CSMD1: variants seen among roughly 807,000 people sequenced by gnomAD.
CSMD1 encodes CUB and Sushi multiple domains 1.
A neutral mutation model predicts 417.5 loss-of-function variants in CSMD1; 213 were observed. The observed-to-expected ratio is 0.51, with a 90% CI of 0.46 to 0.57. CSMD1 has a LOEUF of 0.57. CSMD1 is among the 20% of genes least tolerant of loss of function. CSMD1 has a pLI of 0.00. For synonymous variants in CSMD1, 2,862 were observed against 1,736.8 expected, an observed-to-expected ratio of 1.65 and a Z score of -16.11; for missense variants, 6,923 against 4,529.7, an observed-to-expected ratio of 1.53 and a Z score of -15.17.
At chr8:4,378,172 A>G (rs539380171) in intron 3 of CSMD1, among the ~76,000 whole-genome samples, 43 of 152,280 alleles carry the variant, frequency 2.8e-4, no homozygotes, top group African/African-American at 1.0e-3. Flanking sequence ...TATACTCTAG[A>G]TATTGCGACT....
rs548539399 is a variant in CSMD1, at chr8:4,776,174, G to C, written c.86-138616C>G. Among the ~76,000 whole-genome samples, 150 of 152,222 alleles carry C rather than the reference G, an allele frequency of 9.9e-4. 4 individuals carry two copies. In the South Asian group the frequency reaches 0.028, roughly 29 times the overall value. Reference sequence around the variant, plus strand: ...AGAAGAGATGAGGCGACCCACATTAGTTTAGAAGAGAGCCTGTTCCCATGG... The same window carrying C: ...AGAAGAGATGAGGCGACCCACATTACTTTAGAAGAGAGCCTGTTCCCATGG... On this transcript the variant is annotated intron_variant, in intron 1 of 69. Transcript: ENST00000635120.
intron 1 of CSMD1, among the ~76,000 whole-genome samples, chr8:4,815,977 G>C (rs1436464210): frequency 1.3e-5 from 2 of 151,990 alleles, no homozygotes; most frequent in Non-Finnish European, 2.9e-5. Flanking sequence ...AATGAGAAAG[G>C]CATTCCAGAA....
intron 11 of CSMD1, among the ~76,000 whole-genome samples, chr8:3,481,800 T>G (rs903350446): frequency 6.6e-6 from 1 of 152,134 alleles, no homozygotes; most frequent in Non-Finnish European, 1.5e-5. Context: ...AGGGATGAAT[T>G]CTTCCCCAGG....
chr8:4,199,087 G>T (rs144000870), intron 3 of CSMD1, among the ~76,000 whole-genome samples: 1 of 152,050 alleles, frequency 6.6e-6, no homozygotes, highest in Non-Finnish European at 1.5e-5. Context: ...TAGAGCCAGC[G>T]CCCAGCTCAC....
chr8:4,854,407 G>A (rs184828217), intron 1 of CSMD1, among the ~76,000 whole-genome samples: 29 of 152,220 alleles, frequency 1.9e-4, no homozygotes, highest in African/African-American at 6.3e-4. Flanking sequence ...ACTCCGGATC[G>A]AGCCAAGATG....
At chr8:3,377,633 T>G (rs141828687) in intron 18 of CSMD1, among the ~76,000 whole-genome samples, 25 of 152,262 alleles carry the variant, frequency 1.6e-4, no homozygotes, top group African/African-American at 5.8e-4. Context: ...TAAACCTACT[T>G]TGCTAAACCT....
intron 1 of CSMD1, among the ~76,000 whole-genome samples, chr8:4,928,001 C>T (rs909909654): frequency 6.6e-6 from 1 of 152,202 alleles, no homozygotes; most frequent in Non-Finnish European, 1.5e-5. Context: ...CCGAGTCACA[C>T]CCCACATCCT....
intron 54 of CSMD1, among the ~76,000 whole-genome samples, chr8:2,989,673 A>G (rs576331961): frequency 3.9e-4 from 59 of 152,342 alleles, no homozygotes; most frequent in African/African-American, 1.4e-3. Flanking sequence ...ACAGAGAATG[A>G]TGAATAAATA....
intron 10 of CSMD1, among the ~76,000 whole-genome samples, chr8:3,572,642 T>A (rs544128344): frequency 2.0e-5 from 3 of 152,338 alleles, no homozygotes; most frequent in African/African-American, 4.8e-5. Flanking sequence ...AAGAGTTCCT[T>A]CTGCCTCTCA....
chr8:3,254,383 G>A (rs1462998433), intron 26 of CSMD1, among the ~76,000 whole-genome samples: 2 of 152,202 alleles, frequency 1.3e-5, no homozygotes, highest in East Asian at 3.9e-4. Flanking sequence ...GGGTATATTT[G>A]TGGCATTCTC....
chr8:3,306,284 C>T (rs1804839461), intron 25 of CSMD1, among the ~76,000 whole-genome samples: 1 of 152,226 alleles, frequency 6.6e-6, no homozygotes, highest in African/African-American at 2.4e-5. Context: ...TCCACATCTT[C>T]TGCCTCAGTA....
At chr8:4,811,637 C>T (rs1034835470) in intron 1 of CSMD1, among the ~76,000 whole-genome samples, 2 of 152,054 alleles carry the variant, frequency 1.3e-5, no homozygotes, top group Admixed American at 6.6e-5. Flanking sequence ...TTTGATGGGG[C>T]TGTCATAACT....
At position 3,979,780 on chromosome 8, in the gene CSMD1, G is replaced by A. The variant is rs117448656; in HGVS notation, c.818+18123C>T. Among the ~76,000 whole-genome samples the A allele has an allele frequency of 5.6e-4, 86 of 152,278 alleles. No homozygotes were observed. The East Asian group carries it at 0.01, about 18-fold the overall frequency. ...TGAGAAATAAGTGTGTGTTATTTAA[G>A]CCACCGTCTGTGGTATCTTGTTATG... On this transcript the variant is annotated intron_variant, in intron 5 of 69. Transcript: ENST00000635120.
intron 3 of CSMD1, among the ~76,000 whole-genome samples, chr8:4,217,502 G>T (rs567775823): frequency 1.3e-5 from 2 of 152,138 alleles, no homozygotes; most frequent in Non-Finnish European, 2.9e-5. Flanking sequence ...CTCGTCCCTG[G>T]CATCAAGGGG....
At chr8:4,316,287 G>C (rs936422328) in intron 3 of CSMD1, among the ~76,000 whole-genome samples, 4 of 152,092 alleles carry the variant, frequency 2.6e-5, no homozygotes, top group African/African-American at 9.7e-5. Context: ...TGATCTGTAA[G>C]ATATCTCAAG....
intron 1 of CSMD1, among the ~76,000 whole-genome samples, chr8:4,834,240 AAT>A (rs1161792558): frequency 6.6e-6 from 1 of 152,210 alleles, no homozygotes; most frequent in Non-Finnish European, 1.5e-5. Context: ...AGGGAAGAAA[AAT>A]ATGTTTAGAA....
intron 10 of CSMD1, among the ~76,000 whole-genome samples, chr8:3,564,922 G>C (rs762737498): frequency 6.6e-6 from 1 of 151,670 alleles, no homozygotes; most frequent in Non-Finnish European, 1.5e-5. Flanking sequence ...ATGTTGGAGA[G>C]TTGACAAGGA....
intron 8 of CSMD1, among the ~76,000 whole-genome samples, chr8:3,615,411 T>C (rs973862862): frequency 1.3e-5 from 2 of 152,194 alleles, no homozygotes; most frequent in African/African-American, 2.4e-5. Flanking sequence ...ACTTTTCCAA[T>C]AAATCACTTC....
intron 6 of CSMD1, among the ~76,000 whole-genome samples, chr8:3,714,894 C>G (rs1028960616): frequency 1.3e-4 from 20 of 152,070 alleles, no homozygotes; most frequent in Non-Finnish European, 2.2e-4. Flanking sequence ...TTGAACACAA[C>G]ACACCTGGAG....
Sources: gnomAD v4.1 joint callset for allele counts (sites outside exome capture counted in the v4.1 genomes callset) on GRCh38, gnomAD v4.1.1 for gene constraint, MANE v1.5 for transcripts, NCBI Gene and HGNC (gene_info 2026-07-23, HGNC 2026-07-21) for gene names.